The following FAM120C variants were observed in gnomAD, a reference collection of about 807,000 sequenced individuals.
FAM120C encodes family with sequence similarity 120 member C.
FAM120C carries 14 observed loss-of-function variants against 71.2 expected under a neutral mutation model. That is an observed-to-expected ratio of 0.20 (90% CI 0.13 to 0.31). The LOEUF is 0.31. Ranked by LOEUF, FAM120C falls within the 10% of genes least tolerant of loss-of-function variation. The probability of loss-of-function intolerance (pLI) is 1.00; values close to 1 mark genes in which losing one functional copy is unlikely to be tolerated. For missense variants in FAM120C, 500 were observed against 879.0 expected, an observed-to-expected ratio of 0.57 and a Z score of 5.45; for synonymous variants, 354 against 353.2, an observed-to-expected ratio of 1.00 and a Z score of -0.03.
chrX:54,151,176 G>C (rs1262557534), intron 4 of FAM120C, 69 bp downstream of exon 4: 1 of 1,140,255 alleles, frequency 8.8e-7, no homozygotes, highest in Non-Finnish European at 1.2e-6. Flanking sequence ...GAAAAGATCA[G>C]GGACCTGCTG....
chrX:54,167,806 A>T (rs979231097), intron 1 of FAM120C, among the ~76,000 whole-genome samples: 3 of 106,799 alleles, frequency 2.8e-5, no homozygotes, highest in Non-Finnish European at 3.9e-5. Context: ...CTCTATTTAA[A>T]AAAAAAAAAA....
At position 54,170,730 on chromosome X, in the gene FAM120C, TTATAA is replaced by T. The variant is rs782492035; in HGVS notation, c.700-11119_700-11115del. ...CATACCCAATTCTAAGACTTACAAT[TTATAA>T]TATAATAGCTGGCACAGACTGAAAA... is the stretch of plus-strand genomic sequence containing the variant. On this transcript the variant is annotated intron_variant, in intron 1 of 15. Transcript: ENST00000375180. Among the ~76,000 whole-genome samples, 86 of 111,766 alleles carry T rather than the reference TTATAA, an allele frequency of 7.7e-4. 1 individual carries two copies. Among genetic ancestry groups the T allele is most frequent in the African/African-American group, 2.6e-3 (79 of 30,803 alleles).
chrX:54,070,016 C>T lies in FAM120C; in HGVS notation c.*3017G>A, dbSNP rs1292254166. On this transcript the variant is annotated 3_prime_UTR_variant, in exon 16 of 16. Transcript: ENST00000375180. ...TTGTTCAAGAGAGGTCACATAAAAG[C>T]TAGAAATGGAACCTCAGGTGAAGGA... The T allele has an allele frequency of 2.7e-5, 3 of 111,765 alleles. No individual in the cohort carries two copies. The highest frequency in any genetic ancestry group is 5.6e-5 in the Non-Finnish European group (3 of 53,153). The allele number at this position is 111,765 out of a possible 1,213,427, so 9.2% of individuals were successfully genotyped here.
At chrX:54,175,510 CTTTTT>C (rs1168702401) in intron 1 of FAM120C, among the ~76,000 whole-genome samples, 1 of 104,445 alleles carries the variant, frequency 9.6e-6, no homozygotes, top group Non-Finnish European at 2.0e-5. Context: ...ATATTTTATA[CTTTTT>C]TTTTTTAATA....
chrX:54,077,983 G>T (rs1358235960), intron 15 of FAM120C, among the ~76,000 whole-genome samples: 1 of 76,828 alleles, frequency 1.3e-5, no homozygotes, highest in Non-Finnish European at 2.3e-5. Context: ...TCGCTCTGTC[G>T]CCCAGGCTGG....
In FAM120C at chrX:54,134,110, A is replaced by C. The variant is rs1557129972; in HGVS notation, c.1617-64T>G. On this transcript the variant is annotated intron_variant, in intron 7 of 15. Transcript: ENST00000375180. Reference sequence around the variant, plus strand: ...AGATTGATAAAGATATTCCTACTTAAGATGCCTGTTCTGGACCCAAGGGGT... The same window carrying C: ...AGATTGATAAAGATATTCCTACTTACGATGCCTGTTCTGGACCCAAGGGGT... 2.7e-6 allele frequency: 3 copies of C among 1,103,623 alleles called. No individual in the cohort carries two copies. In the East Asian group the frequency reaches 9.2e-5, roughly 34 times the overall value. 91.0% of individuals were successfully genotyped at this position (1,103,623 alleles called of 1,213,427 possible). A position where few individuals can be genotyped will look rare whatever the true frequency, so the allele number is the denominator to read the frequency against.
chrX:54,087,868 C>T lies in FAM120C; in HGVS notation c.2524G>A (p.Val842Ile). Residue 842 changes from valine to isoleucine, a missense_variant, in exon 12 of 16, where the codon GTC becomes ATC. By Grantham distance (29) the Val-to-Ile change is conservative (BLOSUM62 3). Around this residue, in one of 11 missense-constraint regions of FAM120C, gnomAD observed 104 missense variants for 254.5 expected, o/e 0.41. Transcript: ENST00000375180. ...LFANDACGQP[V>I]PWEHCCPWIY... ...CATGGACAGCAATGCTCCCAAGGGA[C>T]TGGCTGGCCACAGGCATCATTAGCA... 8.3e-7 allele frequency: 1 copy of T among 1,211,707 alleles called. No individual in the cohort carries two copies. The highest frequency in any genetic ancestry group is 1.1e-6 in the Non-Finnish European group (1 of 895,341).
chrX:54,090,858 C>T (rs952454740), intron 11 of FAM120C, among the ~76,000 whole-genome samples: 4 of 111,374 alleles, frequency 3.6e-5, no homozygotes, highest in African/African-American at 9.8e-5. Flanking sequence ...CAAGGCAGCC[C>T]GGCTTCAGAG....
chrX:54,134,475 C>T (rs782402138), intron 7 of FAM120C, among the ~76,000 whole-genome samples: 2 of 111,854 alleles, frequency 1.8e-5, no homozygotes, highest in South Asian at 7.5e-4. Context: ...ATTGCTTACT[C>T]AACGATTCCA....
At position 54,183,112 on chromosome X, in the gene FAM120C, C is replaced by T; in HGVS notation, c.87G>A (p.Thr29=). 1 of 1,157,121 alleles carries T rather than the reference C, an allele frequency of 8.6e-7. No homozygotes were observed. Among genetic ancestry groups the T allele is most frequent in the South Asian group, 1.9e-5 (1 of 52,105 alleles). The part of the protein sequence containing the change: ...VPVDLLKLAR[T]VSRQQQQQHL... ...GCTGCTGCTGCTGCTGGCGCGAGACCGTGCGCGCGAGTTTTAGGAGGTCCA... is the reference window on the plus strand; with the variant it reads ...GCTGCTGCTGCTGCTGGCGCGAGACTGTGCGCGCGAGTTTTAGGAGGTCCA... Residue 29 remains threonine, a synonymous_variant, in exon 1 of 16, where the codon ACG becomes ACA. Coordinates refer to ENST00000375180, the MANE Select transcript of FAM120C (RefSeq NM_017848.6).
intron 10 of FAM120C, among the ~76,000 whole-genome samples, chrX:54,102,610 G>T (rs2066887498): frequency 2.3e-5 from 1 of 44,392 alleles, no homozygotes; most frequent in Non-Finnish European, 4.2e-5. Context: ...GAGCCCTAAA[G>T]ATCAAATCAC....
chrX:54,112,341 C>T (rs1458229227), intron 10 of FAM120C, among the ~76,000 whole-genome samples: 1 of 109,853 alleles, frequency 9.1e-6, no homozygotes, highest in Non-Finnish European at 1.9e-5. Flanking sequence ...CGCTTGAACC[C>T]GAAAGGCAGA....
chrX:54,093,117 A>G (rs2066832223), intron 10 of FAM120C, among the ~76,000 whole-genome samples: 1 of 112,170 alleles, frequency 8.9e-6, no homozygotes, highest in Admixed American at 9.6e-5. Flanking sequence ...CTAGCCAAGT[A>G]CATAGCATAG....
intron 10 of FAM120C, among the ~76,000 whole-genome samples, chrX:54,104,614 C>T (rs1387661152): frequency 9.1e-6 from 1 of 110,422 alleles, no homozygotes; most frequent in Non-Finnish European, 1.9e-5. Context: ...TCAAGACCAG[C>T]CTGGTCAACA....
chrX:54,091,997 A>G (rs1307374500), intron 10 of FAM120C, among the ~76,000 whole-genome samples: 1 of 111,265 alleles, frequency 9.0e-6, no homozygotes, highest in Non-Finnish European at 1.9e-5. Context: ...ATATCATGGT[A>G]CCCAAGACAT....
At chrX:54,097,854 A>G (rs1208987086) in intron 10 of FAM120C, among the ~76,000 whole-genome samples, 9 of 105,638 alleles carry the variant, frequency 8.5e-5, no homozygotes, top group Non-Finnish European at 1.2e-4. Flanking sequence ...AGCCTCCCGA[A>G]TAGCTGGGAC....
intron 13 of FAM120C, among the ~76,000 whole-genome samples, chrX:54,081,954 G>C (rs1056522361): frequency 2.7e-5 from 3 of 109,584 alleles, no homozygotes; most frequent in Admixed American, 2.0e-4. Flanking sequence ...AGGCCGAGGC[G>C]GGTGGATCAC....
chrX:54,163,925 C>CATAT (rs1397391040), intron 1 of FAM120C, among the ~76,000 whole-genome samples: 1 of 104,652 alleles, frequency 9.6e-6, no homozygotes, highest in African/African-American at 3.5e-5. Flanking sequence ...TGTATATATA[C>CATAT]ATATATATAT....
rs782144478 is a variant in FAM120C at position 54,087,974 on chromosome X, C to T, written c.2428-10G>A. Reference sequence around the variant, plus strand: ...CATCCAGTTTCTCAATCTGAAACCACCACAGATGAAATATTACTATTAAGA... The same window carrying T: ...CATCCAGTTTCTCAATCTGAAACCATCACAGATGAAATATTACTATTAAGA... On this transcript the variant is annotated splice_polypyrimidine_tract_variant and intron_variant, in intron 11 of 15. Transcript: ENST00000375180. The T allele has an allele frequency of 2.5e-6, 3 of 1,181,920 alleles. No individual in the cohort carries two copies. In the South Asian group the frequency reaches 5.4e-5, roughly 21 times the overall value.
Sources: gnomAD v4.1 joint callset for allele counts (sites outside exome capture counted in the v4.1 genomes callset) on GRCh38, gnomAD v4.1.1 for gene constraint, gnomAD v4.1.1 regional missense constraint, MANE v1.5 for transcripts, NCBI Gene and HGNC (gene_info 2026-07-23, HGNC 2026-07-21) for gene names.